NPHP4: variants seen among roughly 807,000 people sequenced by gnomAD.
NPHP4 encodes the protein nephrocystin-4.
NPHP4 carries 151 observed loss-of-function variants against 155.8 expected under a neutral mutation model. That is an observed-to-expected ratio of 0.97 (90% CI 0.85 to 1.11). The LOEUF is 1.11. Ranked by LOEUF, NPHP4 falls within the 50% of genes least tolerant of loss-of-function variation. The pLI, the probability that NPHP4 is intolerant of heterozygous loss-of-function variation, is 0.00. For synonymous variants in NPHP4, 845 were observed against 816.8 expected, an observed-to-expected ratio of 1.03 and a Z score of -0.59; for missense variants, 1,956 against 1,925.7, an observed-to-expected ratio of 1.02 and a Z score of -0.29.
chr1:5,969,627 T>C (rs995194084), intron 3 of NPHP4, among the ~76,000 whole-genome samples: 3 of 152,142 alleles, frequency 2.0e-5, no homozygotes, highest in Non-Finnish European at 4.4e-5. Context: ...CACCCAACCC[T>C]GCAGGGGGAC....
rs1305005817 is a variant in NPHP4, at chr1:5,952,705, G to A, written c.805C>T (p.Gln269Ter). ...LLELHVQDHFQEGCGPLDGGA... is the reference protein window; with the variant it reads ...LLELHVQDHF ...TCACGCTTCTGACTCCACACCTCCT[G>A]GAAGTGGTCCTGGACGTGGAGCTCC... Residue 269 changes from glutamine (Q) to a stop codon, truncating the protein, a stop_gained, in exon 7 of 30, where the codon CAG becomes TAG. Coordinates refer to ENST00000378156, the MANE Select transcript of NPHP4 (RefSeq NM_015102.5). LOFTEE classifies it high-confidence loss of function. 1 of 1,552,222 alleles carries A rather than the reference G, an allele frequency of 6.4e-7. No individual in the cohort carries two copies. The highest frequency in any genetic ancestry group is 8.7e-7 in the Non-Finnish European group (1 of 1,148,138).
intron 16 of NPHP4, among the ~76,000 whole-genome samples, chr1:5,899,508 C>A (rs546071698): frequency 6.6e-6 from 1 of 152,316 alleles, no homozygotes; most frequent in African/African-American, 2.4e-5. Flanking sequence ...TGAAGGACTG[C>A]GGTGAGGGAG....
intron 3 of NPHP4, among the ~76,000 whole-genome samples, chr1:5,976,566 G>A (rs956411354): frequency 6.6e-6 from 1 of 152,238 alleles, no homozygotes; most frequent in Non-Finnish European, 1.5e-5. Flanking sequence ...AGCACTCTAA[G>A]GGTTCATCCG....
chr1:5,864,489 G>A lies in NPHP4; in HGVS notation c.3845C>T (p.Pro1282Leu), dbSNP rs752820537. ...ATGCAGGTCCTGCACCCCACGAGGCGGCAGCACGAAGACACCTTTGGGGTC... is the reference window on the plus strand; with the variant it reads ...ATGCAGGTCCTGCACCCCACGAGGCAGCAGCACGAAGACACCTTTGGGGTC... ...KTDPKGVFVL[P>L]PRGVQDLHVG... The change falls in exon 28 of 30, where the codon CCG (proline) becomes CTG (leucine). Residue 1282 changes from proline (P) to leucine (L), a missense_variant. Physicochemically the swap from Pro to Leu is moderately conservative, Grantham distance 98. Coordinates refer to ENST00000378156, the MANE Select transcript of NPHP4 (RefSeq NM_015102.5). 14 of 1,592,912 alleles carry A rather than the reference G, an allele frequency of 8.8e-6. No homozygotes were observed. The highest frequency in any genetic ancestry group is 1.7e-4 in the Middle Eastern group (1 of 6,022).
chr1:5,992,370 G>A lies in NPHP4; in HGVS notation c.-165C>T, dbSNP rs1192642973. 7 of 152,218 alleles carry A rather than the reference G, an allele frequency of 4.6e-5. No homozygotes were observed. Among genetic ancestry groups the A allele is most frequent in the Non-Finnish European group, 1.0e-4 (7 of 68,094 alleles). 9.4% of individuals were successfully genotyped at this position (152,218 alleles called of 1,614,324 possible). A position where few individuals can be genotyped will look rare whatever the true frequency, so the allele number is the denominator to read the frequency against. On this transcript the variant is annotated 5_prime_UTR_variant, in exon 1 of 30. Transcript: ENST00000378156. Reference sequence around the variant, plus strand: ...ACGGAGCCACAAGCCTGAGGACCGAGGACTGGCCGAGGGGCGCGCCCCGTC... The same window carrying A: ...ACGGAGCCACAAGCCTGAGGACCGAAGACTGGCCGAGGGGCGCGCCCCGTC...
rs1642695924 is a variant in NPHP4, at chr1:5,877,161, C to T, written c.2749G>A (p.Glu917Lys). ...ESDATRRRKL[E>K]RMRSVRLQEA... The stretch of plus-strand genomic sequence containing the variant: ...TGCAGGCGCACAGACCTCATCCGCT[C>T]CAGCTTACGCCTGCGGGTGGCATCC... The change falls in exon 20 of 30, where the codon GAG becomes AAG. Residue 917 changes from glutamate to lysine, a missense_variant. Transcript: ENST00000378156. 1 of 1,605,120 alleles carries T rather than the reference C, an allele frequency of 6.2e-7. No homozygotes were observed. The highest frequency in any genetic ancestry group is 1.3e-5 in the African/African-American group (1 of 74,938).
intron 5 of NPHP4, among the ~76,000 whole-genome samples, chr1:5,964,931 A>ATTTTTTTTTTTT (rs1188241159): frequency 4.2e-5 from 1 of 23,900 alleles, no homozygotes; most frequent in Non-Finnish European, 7.0e-5. Flanking sequence ...ATATATATAT[A>ATTTTTTTTTTTT]TATATATATA....
chr1:5,868,856 A>G (rs1284979137), intron 23 of NPHP4, among the ~76,000 whole-genome samples: 1 of 135,958 alleles, frequency 7.4e-6, no homozygotes, highest in Non-Finnish European at 1.6e-5. Context: ...GCATGCACAC[A>G]CATACATGCA....
At chr1:5,932,942 G>C (rs1646351933) in intron 10 of NPHP4, among the ~76,000 whole-genome samples, 1 of 152,098 alleles carries the variant, frequency 6.6e-6, no homozygotes, top group African/African-American at 2.4e-5. Flanking sequence ...ATCAGTATGT[G>C]AACAGCAATA....
Position 5,890,935 on chromosome 1 carries a change from G to C in NPHP4, c.2237C>G (p.Thr746Ser), listed in dbSNP as rs780500004. 19 of 1,608,372 alleles carry C rather than the reference G, an allele frequency of 1.2e-5. No individual in the cohort carries two copies. Among genetic ancestry groups the C allele is most frequent in the Admixed American group, 1.7e-5 (1 of 59,664 alleles). The change falls in exon 17 of 30, where the codon ACC becomes AGC. Residue 746 changes from threonine (T) to serine (S), a missense_variant. By Grantham distance (58) the Thr-to-Ser change is moderately conservative. Coordinates refer to ENST00000378156, the MANE Select transcript of NPHP4 (RefSeq NM_015102.5). This position sits in a 1 kb window ranked among gnomAD's most constrained non-coding sequence, Gnocchi z 4.9. ...TCCGTCCCAGACGTCAATCTGCAGG[G>C]TCTGCACGGCCAGGTAGCGGGCAAA... ...RCFARYLAVQ[T>S]LQIDVWDGDS...
At position 5,916,704 on chromosome 1, in the gene NPHP4, T is replaced by A. The variant is rs545598087; in HGVS notation, c.1442-7491A>T. 1.4e-4 allele frequency among the ~76,000 whole-genome samples: 22 copies of A among 152,300 alleles called. No homozygotes were observed. In the South Asian group the frequency reaches 4.6e-3, roughly 32 times the overall value. On this transcript the variant is annotated intron_variant, in intron 11 of 29. Transcript: ENST00000378156. ...AACTCAAAGCATGGTTCCCCACAGC[T>A]CTGCATCTTAAGAAGTCAAGCTAGG...
rs1239210529 is a variant in NPHP4 at position 5,910,071 on chromosome 1, G to C, written c.1442-858C>G. On this transcript the variant is annotated intron_variant, in intron 11 of 29. Transcript: ENST00000378156. The surrounding 1 kb of genome is among the most constrained non-coding windows in gnomAD (Gnocchi z 5.4). The stretch of plus-strand genomic sequence containing the variant: ...CCAGGCTCCTGCCACAGCGGTGCTG[G>C]AGCGTCCATAGCCACTCGTCTCTTA... 6.6e-6 allele frequency among the ~76,000 whole-genome samples: 1 copy of C among 152,190 alleles called. No homozygotes were observed. Among genetic ancestry groups the C allele is most frequent in the Non-Finnish European group, 1.5e-5 (1 of 68,036 alleles).
chr1:5,920,505 G>A lies in NPHP4; in HGVS notation c.1441+7144C>T, dbSNP rs570725434. On this transcript the variant is annotated intron_variant, in intron 11 of 29. Transcript: ENST00000378156. Reference sequence around the variant, plus strand: ...CGTACATGTGGTCGCTTCCCTCAACGCTGCCAACCAGAAGAACCACAATGG... The same window carrying A: ...CGTACATGTGGTCGCTTCCCTCAACACTGCCAACCAGAAGAACCACAATGG... Among the ~76,000 whole-genome samples, 26 of 152,176 alleles carry A rather than the reference G, an allele frequency of 1.7e-4. No individual in the cohort carries two copies. The South Asian group carries it at 5.0e-3, about 29-fold the overall frequency.
Position 5,873,231 on chromosome 1 carries a change from TGTCCTCC to T in NPHP4, c.3315+14_3315+20del. On this transcript the variant is annotated intron_variant, in intron 23 of 29. Transcript: ENST00000378156. ...TACCCAGGAAGCCCCGAGATCAGTT[TGTCCTCC>T]GTTGCCCCTTTACCTTGGCGTGTTT... 6.2e-7 allele frequency: 1 copy of T among 1,600,096 alleles called. No individual in the cohort carries two copies. Among genetic ancestry groups the T allele is most frequent in the Non-Finnish European group, 8.6e-7 (1 of 1,167,272 alleles).
At chr1:5,926,938 C>T (rs960988538) in intron 11 of NPHP4, among the ~76,000 whole-genome samples, 4 of 152,224 alleles carry the variant, frequency 2.6e-5, no homozygotes, top group South Asian at 2.1e-4. Context: ...GAGCTCCAGA[C>T]GCCTAGAGCC....
chr1:5,944,631 G>A lies in NPHP4; in HGVS notation c.1119+2473C>T, dbSNP rs1013903008. ...GGAAAGCGCACTTGATGACAGTAAAGTGGAATCCAGTATTCCCAGTTACAA... is the reference window on the plus strand; with the variant it reads ...GGAAAGCGCACTTGATGACAGTAAAATGGAATCCAGTATTCCCAGTTACAA... On this transcript the variant is annotated intron_variant, in intron 9 of 29. Coordinates refer to ENST00000378156, the MANE Select transcript of NPHP4 (RefSeq NM_015102.5). The surrounding 1 kb of genome is among the most constrained non-coding windows in gnomAD (Gnocchi z 4.3). Among the ~76,000 whole-genome samples the A allele has an allele frequency of 8.5e-5, 13 of 152,200 alleles. No homozygotes were observed. The highest frequency in any genetic ancestry group is 3.1e-4 in the African/African-American group (13 of 41,446).
intron 11 of NPHP4, 141 bp downstream of exon 11, chr1:5,927,508 A>G: frequency 2.2e-6 from 2 of 924,716 alleles, no homozygotes; most frequent in Non-Finnish European, 3.1e-6. Context: ...AAACCCAACT[A>G]ACAGATTCCA....
At chr1:5,957,882 CTG>C (rs148676906) in intron 6 of NPHP4, among the ~76,000 whole-genome samples, 6,558 of 152,270 alleles carry the variant, frequency 0.043, 445 homozygotes, top group African/African-American at 0.15. Context: ...CCTTTGGTGA[CTG>C]TGGTTAGATT....
chr1:5,947,383 T>C (rs557004215), intron 8 of NPHP4, among the ~76,000 whole-genome samples, 153 bp from the exon 9 acceptor site: 1 of 152,192 alleles, frequency 6.6e-6, no homozygotes, highest in Non-Finnish European at 1.5e-5. Flanking sequence ...CACTGCACGC[T>C]CTCCCAAATG....
Sources: allele counts gnomAD v4.1 joint callset (sites outside exome capture counted in the v4.1 genomes callset), GRCh38; gene constraint gnomAD v4.1.1; non-coding constraint Gnocchi (gnomAD v3.1); transcripts MANE v1.5; gene names NCBI Gene and HGNC (gene_info 2026-07-23, HGNC 2026-07-21).